The following ARL9 variants were observed in gnomAD, a reference collection of about 807,000 sequenced individuals.
ARL9 encodes the protein ARF like GTPase 9.
ARL9 carries 14 observed loss-of-function variants against 27.0 expected under a neutral mutation model. That is an observed-to-expected ratio of 0.52 (90% CI 0.34 to 0.81). The LOEUF is 0.81. Ranked by LOEUF, ARL9 falls within the 30% of genes least tolerant of loss-of-function variation. The pLI is 0.01. For synonymous variants in ARL9, 106 were observed against 108.7 expected (o/e 0.98, Z 0.15); for missense variants, 294 against 290.0 (o/e 1.01, Z -0.10).
chr4:56,523,908 T>G lies in ARL9; in HGVS notation c.*32T>G, dbSNP rs760487412. On this transcript the variant is annotated 3_prime_UTR_variant, in exon 4 of 4. Transcript: ENST00000640821. The stretch of plus-strand genomic sequence containing the variant: ...CTCAGCCCACTGTGCGGCTCACGAC[T>G]GAGATGTCATCAGTGTTGAATGGCA... 6.3e-7 allele frequency: 1 copy of G among 1,582,562 alleles called. No homozygotes were observed. The highest frequency in any genetic ancestry group is 1.2e-5 in the South Asian group (1 of 86,754).
chr4:56,513,717 C>G (rs572973315), intron 2 of ARL9, among the ~76,000 whole-genome samples: 1 of 152,260 alleles, frequency 6.6e-6, no homozygotes, highest in African/African-American at 2.4e-5. Context: ...AGTATTTAAT[C>G]TGCAGTGGGC....
chr4:56,510,200 A>T (rs1225799866), intron 1 of ARL9, among the ~76,000 whole-genome samples: 3 of 151,640 alleles, frequency 2.0e-5, no homozygotes, highest in Admixed American at 2.0e-4. Context: ...TGTAGTAAAA[A>T]TACAAATTGC....
At chr4:56,519,001 T>C in intron 3 of ARL9, 148 bp downstream of exon 3, 1 of 782,224 alleles carries the variant, frequency 1.3e-6, no homozygotes, top group Non-Finnish European at 2.0e-6. Context: ...ACCTTGAGGG[T>C]AGAGACTGTT....
At chr4:56,505,670 T>G (rs1360905392), upstream of ARL9, 3 of 927,152 alleles carry the variant, frequency 3.2e-6, no homozygotes, top group Non-Finnish European at 4.6e-6. Flanking sequence ...GCGAATCGGC[T>G]GCAAGAAGCC....
At chr4:56,517,570 C>CTT (rs35931695) in intron 2 of ARL9, among the ~76,000 whole-genome samples, 7 of 151,346 alleles carry the variant, frequency 4.6e-5, no homozygotes, top group Non-Finnish European at 7.4e-5. Context: ...GTTATTCTGT[C>CTT]TTTTTTTTTC....
chr4:56,506,183 T>A, intron 1 of ARL9, 42 bp downstream of exon 1: 2 of 1,232,754 alleles, frequency 1.6e-6, no homozygotes, highest in Non-Finnish European at 2.0e-6. Flanking sequence ...CCAAGGCTTT[T>A]GTCGGCCGTT....
chr4:56,514,305 A>G (rs756733232), intron 2 of ARL9, among the ~76,000 whole-genome samples: 7 of 152,236 alleles, frequency 4.6e-5, no homozygotes, highest in Non-Finnish European at 1.0e-4. Flanking sequence ...TAAAAGAACA[A>G]CAGAATAAAA....
chr4:56,518,079 G>A (rs971726056), intron 2 of ARL9, among the ~76,000 whole-genome samples: 4 of 151,684 alleles, frequency 2.6e-5, no homozygotes, highest in Non-Finnish European at 5.9e-5. Flanking sequence ...TTGTAGCCCT[G>A]TTCACACCAC....
intron 1 of ARL9, 82 bp from the exon 2 acceptor site, chr4:56,511,100 CAAG>C: frequency 7.6e-7 from 1 of 1,319,378 alleles, no homozygotes; most frequent in South Asian, 1.6e-5. Context: ...GTTACAGTTC[CAAG>C]AATATTATTG....
At chr4:56,518,245 C>G (rs1721819864) in intron 2 of ARL9, among the ~76,000 whole-genome samples, 1 of 152,126 alleles carries the variant, frequency 6.6e-6, no homozygotes, top group Non-Finnish European at 1.5e-5. Flanking sequence ...CCCTGTCGCC[C>G]AGGCTGGTCT....
At chr4:56,512,895 G>A (rs1440682120) in intron 2 of ARL9, among the ~76,000 whole-genome samples, 1 of 151,786 alleles carries the variant, frequency 6.6e-6, no homozygotes, top group Non-Finnish European at 1.5e-5. Flanking sequence ...TTCTCCATAA[G>A]GTTTTTAATA....
At chr4:56,519,815 A>G (rs2110153937) in intron 3 of ARL9, among the ~76,000 whole-genome samples, 1 of 152,242 alleles carries the variant, frequency 6.6e-6, no homozygotes, top group South Asian at 2.1e-4. Flanking sequence ...AAGCTACCCA[A>G]GATAAATGGA....
At chr4:56,520,437 C>A (rs998009910) in intron 3 of ARL9, among the ~76,000 whole-genome samples, 1 of 152,048 alleles carries the variant, frequency 6.6e-6, no homozygotes, top group African/African-American at 2.4e-5. Context: ...TCCATTTATA[C>A]GAGGTACCTA....
At chr4:56,510,881 T>C (rs1480600116) in intron 1 of ARL9, among the ~76,000 whole-genome samples, 7 of 151,852 alleles carry the variant, frequency 4.6e-5, no homozygotes, top group Non-Finnish European at 7.4e-5. Flanking sequence ...AAGTGATTTT[T>C]GTGCCTCAGC....
chr4:56,509,201 CTTTTT>C (rs201536471), intron 1 of ARL9, among the ~76,000 whole-genome samples: 1 of 133,352 alleles, frequency 7.5e-6, no homozygotes, highest in Admixed American at 8.2e-5. Context: ...TTTTCTTTTT[CTTTTT>C]TTTGTTTTTT....
intron 3 of ARL9, among the ~76,000 whole-genome samples, chr4:56,520,001 C>T (rs1181171535): frequency 6.6e-6 from 1 of 151,148 alleles, no homozygotes. Flanking sequence ...CGCCACCACT[C>T]CTGACTTTTT....
intron 2 of ARL9, among the ~76,000 whole-genome samples, chr4:56,511,897 C>G (rs1052149184): frequency 1.3e-5 from 2 of 152,194 alleles, no homozygotes; most frequent in Admixed American, 1.3e-4. Context: ...ATCTATCCAG[C>G]CCAAACATAT....
intron 2 of ARL9, among the ~76,000 whole-genome samples, chr4:56,511,965 G>T (rs2110146364): frequency 6.6e-6 from 1 of 152,266 alleles, no homozygotes; most frequent in East Asian, 1.9e-4. Context: ...TCCAATATCT[G>T]TTCTTTTTCC....
chr4:56,506,986 G>T (rs1560694922), intron 1 of ARL9, among the ~76,000 whole-genome samples: 1 of 152,080 alleles, frequency 6.6e-6, no homozygotes, highest in Non-Finnish European at 1.5e-5. Context: ...TGCAGAGCTG[G>T]AGTTTCGCCA....
Sources: gnomAD v4.1 joint callset for allele counts (sites outside exome capture counted in the v4.1 genomes callset) on GRCh38, gnomAD v4.1.1 for gene constraint, MANE v1.5 for transcripts, NCBI Gene and HGNC (gene_info 2026-07-23, HGNC 2026-07-21) for gene names.